The following DPYSL3 variants were observed in gnomAD, a reference collection of about 807,000 sequenced individuals.
DPYSL3 encodes the protein dihydropyrimidinase-related protein 3.
DPYSL3 carries 16 observed loss-of-function variants against 66.1 expected under a neutral mutation model. The ratio of observed to expected loss-of-function variants is 0.24; its 90% CI spans 0.16 to 0.37. The LOEUF is 0.37. Ranked by LOEUF, DPYSL3 falls within the 10% of genes least tolerant of loss-of-function variation. The pLI is 1.00. For missense variants in DPYSL3, 738 were observed against 916.2 expected, an observed-to-expected ratio of 0.81 and a Z score of 2.51; for synonymous variants, 338 against 345.1, an observed-to-expected ratio of 0.98 and a Z score of 0.23.
chr5:147,422,692 A>G (rs1449449526), intron 2 of DPYSL3, among the ~76,000 whole-genome samples: 3 of 152,214 alleles, frequency 2.0e-5, no homozygotes, highest in African/African-American at 7.2e-5. Flanking sequence ...GAATGAGTTC[A>G]TGTCCTTTGC....
intron 1 of DPYSL3, among the ~76,000 whole-genome samples, chr5:147,425,827 T>G (rs1386931112): frequency 2.0e-5 from 3 of 152,216 alleles, no homozygotes; most frequent in Non-Finnish European, 4.4e-5. Context: ...ATCACAAGTT[T>G]CATTAAATGA....
At chr5:147,417,842 A>T (rs906861457) in intron 3 of DPYSL3, among the ~76,000 whole-genome samples, 1 of 152,214 alleles carries the variant, frequency 6.6e-6, no homozygotes, top group Non-Finnish European at 1.5e-5. Context: ...GCAGACCATA[A>T]GCACTAAATG....
chr5:147,395,610 GAGT>G lies in DPYSL3; in HGVS notation c.1912_1914del (p.Thr638del). 6.2e-7 allele frequency: 1 copy of G among 1,613,992 alleles called. No individual in the cohort carries two copies. The highest frequency in any genetic ancestry group is 8.5e-7 in the Non-Finnish European group (1 of 1,179,980). ...AGATTCCTCACAGGTGGGTTCGGCC[GAGT>G]AGGAGAGCCCCGAGCAGAGCCTGCG... On this transcript the variant is annotated inframe_deletion, in exon 13 of 14. Transcript: ENST00000343218.
rs1275118209 is a variant in DPYSL3 at position 147,509,847 on chromosome 5, G to A, written c.12C>T (p.Gly4=). ...CGTGGGAGCTGTCCCAGCCCCTCCG[G>A]CCCGAGGCCATGGTTCAAGCACGAA... MAS[G]RRGWDSSHED... is the part of the protein sequence containing the mutation. The change falls in exon 1 of 14, where the codon GGC becomes GGT. Residue 4 remains glycine (G), a synonymous_variant. Transcript: ENST00000343218. This position sits in a 1 kb window ranked among gnomAD's most constrained non-coding sequence, Gnocchi z 5.3. 3 of 1,528,844 alleles carry A rather than the reference G, an allele frequency of 2.0e-6. No homozygotes were observed. Among genetic ancestry groups the A allele is most frequent in the Non-Finnish European group, 2.6e-6 (3 of 1,141,790 alleles). The allele number at this position is 1,528,844 out of a possible 1,614,324, so 94.7% of individuals were successfully genotyped here.
At chr5:147,409,874 A>G (rs1751811329) in intron 6 of DPYSL3, among the ~76,000 whole-genome samples, 1 of 152,194 alleles carries the variant, frequency 6.6e-6, no homozygotes, top group South Asian at 2.1e-4. Context: ...AAGGATTCTT[A>G]CCACCTGGAA....
intron 1 of DPYSL3, among the ~76,000 whole-genome samples, chr5:147,452,881 G>GCA (rs3995474): frequency 0.057 from 7,764 of 137,342 alleles, 221 homozygotes; most frequent in Middle Eastern, 0.11. Flanking sequence ...TGCATCGAAG[G>GCA]CACACACACA....
intron 1 of DPYSL3, among the ~76,000 whole-genome samples, chr5:147,474,034 T>C (rs1021471980): frequency 1.3e-5 from 2 of 152,132 alleles, no homozygotes; most frequent in African/African-American, 2.4e-5. Context: ...CCTGGTTTTC[T>C]ATCCTGGCTA....
intron 2 of DPYSL3, among the ~76,000 whole-genome samples, chr5:147,422,735 T>C (rs922455031): frequency 6.6e-6 from 1 of 152,134 alleles, no homozygotes; most frequent in Non-Finnish European, 1.5e-5. Flanking sequence ...ACCATCATTC[T>C]TAGTAAACTA....
chr5:147,401,430 C>T (rs1382106269), intron 9 of DPYSL3, 110 bp downstream of exon 9: 2 of 1,280,052 alleles, frequency 1.6e-6, no homozygotes, highest in African/African-American at 3.0e-5. Context: ...ACTGTTCACA[C>T]TGCAGACTCT....
In DPYSL3 at chr5:147,391,345, C is replaced by T. The variant is rs563565974; in HGVS notation, c.*2690G>A. 1 of 152,762 alleles carries T rather than the reference C, an allele frequency of 6.5e-6. No homozygotes were observed. The highest frequency in any genetic ancestry group is 2.1e-4 in the South Asian group (1 of 4,830). The allele number at this position is 152,762 out of a possible 1,614,324, so 9.5% of individuals were successfully genotyped here. ...AAACTTAGAAGTACAAGAAATAGCTCTACTACGGGTAACTGATTTAACAAT... is the reference window on the plus strand; with the variant it reads ...AAACTTAGAAGTACAAGAAATAGCTTTACTACGGGTAACTGATTTAACAAT... On this transcript the variant is annotated 3_prime_UTR_variant, in exon 14 of 14. Transcript: ENST00000343218.
At chr5:147,475,644 G>A (rs766510860) in intron 1 of DPYSL3, among the ~76,000 whole-genome samples, 1 of 152,008 alleles carries the variant, frequency 6.6e-6, no homozygotes, top group East Asian at 1.9e-4. Flanking sequence ...CAAAGTTAAC[G>A]TATAAATAGA....
chr5:147,508,095 G>T (rs1561809431), intron 1 of DPYSL3, among the ~76,000 whole-genome samples: 1 of 152,180 alleles, frequency 6.6e-6, no homozygotes, highest in African/African-American at 2.4e-5. Context: ...TCCCTAAAAC[G>T]TTGGTAAGCA....
Position 147,395,599 on chromosome 5 carries a change from T to A in DPYSL3, c.1926A>T (p.Pro642=). ...SARGSPTRPN[P]PVRNLHQSGF... is the part of the protein sequence containing the mutation. Reference sequence around the variant, plus strand: ...CCGACTGATGAAGATTCCTCACAGGTGGGTTCGGCCGAGTAGGAGAGCCCC... The same window carrying A: ...CCGACTGATGAAGATTCCTCACAGGAGGGTTCGGCCGAGTAGGAGAGCCCC... Residue 642 remains proline (P), a synonymous_variant, in exon 13 of 14, where the codon CCA becomes CCT. Transcript: ENST00000343218. The A allele has an allele frequency of 1.2e-6, 2 of 1,613,928 alleles. No homozygotes were observed. The highest frequency in any genetic ancestry group is 1.7e-6 in the Non-Finnish European group (2 of 1,179,954).
intron 1 of DPYSL3, among the ~76,000 whole-genome samples, chr5:147,496,064 G>C (rs1753503389): frequency 6.6e-6 from 1 of 152,064 alleles, no homozygotes; most frequent in Admixed American, 6.6e-5. Context: ...TAGACCAATG[G>C]AACAGAACAG....
At chr5:147,485,370 T>C (rs1753314266) in intron 1 of DPYSL3, among the ~76,000 whole-genome samples, 1 of 152,134 alleles carries the variant, frequency 6.6e-6, no homozygotes, top group Non-Finnish European at 1.5e-5. Flanking sequence ...ATGCCTTCCT[T>C]CAAAGGGCCA....
chr5:147,449,699 C>T (rs1433756651), intron 1 of DPYSL3, among the ~76,000 whole-genome samples: 2 of 152,204 alleles, frequency 1.3e-5, no homozygotes, highest in Admixed American at 6.5e-5. Flanking sequence ...TTTCAATGTC[C>T]TTCCTTAACT....
At chr5:147,401,052 C>T (rs1282094452) in intron 9 of DPYSL3, among the ~76,000 whole-genome samples, 1 of 152,138 alleles carries the variant, frequency 6.6e-6, no homozygotes, top group South Asian at 2.1e-4. Flanking sequence ...TAGCTCATCT[C>T]TTTTGTAGCA....
intron 8 of DPYSL3, 63 bp downstream of exon 8, chr5:147,405,547 C>T (rs1196496537): frequency 6.5e-7 from 1 of 1,548,354 alleles, no homozygotes; most frequent in African/African-American, 1.4e-5. Flanking sequence ...CACAGGACAA[C>T]CAGAGAGGGA....
chr5:147,398,358 T>G (rs1368472120), intron 11 of DPYSL3, among the ~76,000 whole-genome samples: 1 of 152,206 alleles, frequency 6.6e-6, no homozygotes, highest in African/African-American at 2.4e-5. Context: ...TCAGCTTGTC[T>G]GGGTTTCAAT....
Sources: allele counts gnomAD v4.1 joint callset (sites outside exome capture counted in the v4.1 genomes callset), GRCh38; gene constraint gnomAD v4.1.1; non-coding constraint Gnocchi (gnomAD v3.1); transcripts MANE v1.5; gene names NCBI Gene and HGNC (gene_info 2026-07-23, HGNC 2026-07-21).